CTNNA3: variants seen among roughly 807,000 people sequenced by gnomAD.
CTNNA3 encodes the protein catenin alpha 3.
In CTNNA3, 76 loss-of-function variants were observed where a neutral mutation model predicts 95.7. That is an observed-to-expected ratio of 0.79 (90% confidence interval 0.66 to 0.96). The LOEUF is 0.96. Ranked by LOEUF, CTNNA3 falls within the 40% of genes least tolerant of loss-of-function variation. CTNNA3 has a pLI of 0.00. For missense variants in CTNNA3, 1,191 were observed against 1,089.8 expected (o/e 1.09, Z -1.31); for synonymous variants, 431 against 374.4 (o/e 1.15, Z -1.74).
Position 66,084,154 on chromosome 10 carries a change from A to AG in CTNNA3, c.1978-14666_1978-14665insC, listed in dbSNP as rs1554842688. Among the ~76,000 whole-genome samples the AG allele has an allele frequency of 8.1e-3, 1,145 of 141,340 alleles. 20 individuals carry two copies. Among genetic ancestry groups the AG allele is most frequent in the African/African-American group, 0.025 (975 of 39,580 alleles). The allele number at this position is 141,340 out of a possible 152,430, so 92.7% of individuals were successfully genotyped here. A position where few individuals can be genotyped will look rare whatever the true frequency, so the allele number is the denominator to read the frequency against. On this transcript the variant is annotated intron_variant, in intron 14 of 17. Coordinates refer to ENST00000433211, the MANE Select transcript of CTNNA3 (RefSeq NM_013266.4). ...TCATCTCAAAAAAAAAAAAGAAAAA[A>AG]AAAGAAAAAGAAAAAAAGAAAAGGA... is the stretch of plus-strand genomic sequence containing the variant.
intron 5 of CTNNA3, among the ~76,000 whole-genome samples, chr10:67,468,542 C>T (rs1847692975): frequency 6.6e-6 from 1 of 152,108 alleles, no homozygotes; most frequent in African/African-American, 2.4e-5. Flanking sequence ...CTCCAGGGTA[C>T]AGAGATGTAG....
At chr10:67,614,019 A>G (rs1843561458) in intron 2 of CTNNA3, among the ~76,000 whole-genome samples, 1 of 152,216 alleles carries the variant, frequency 6.6e-6, no homozygotes, top group Admixed American at 6.5e-5. Flanking sequence ...TTTATTTTGA[A>G]GCGTGAAAGA....
intron 1 of CTNNA3, among the ~76,000 whole-genome samples, chr10:67,739,115 A>G (rs1423394551): frequency 4.6e-5 from 7 of 152,324 alleles, no homozygotes. Context: ...CTCCTGGAGA[A>G]GAGCAACTCC....
chr10:66,248,601 T>C (rs1420863361), intron 13 of CTNNA3, among the ~76,000 whole-genome samples: 5 of 152,108 alleles, frequency 3.3e-5, no homozygotes, highest in Non-Finnish European at 5.9e-5. Context: ...GCTATACTTA[T>C]ATGAGACAAA....
intron 5 of CTNNA3, among the ~76,000 whole-genome samples, chr10:67,395,829 C>T (rs897660352): frequency 6.6e-6 from 1 of 152,138 alleles, no homozygotes. Context: ...AATTATTTCC[C>T]TACTTTACAA....
At chr10:67,610,467 T>C (rs1805043006) in intron 2 of CTNNA3, among the ~76,000 whole-genome samples, 1 of 152,236 alleles carries the variant, frequency 6.6e-6, no homozygotes, top group African/African-American at 2.4e-5. Flanking sequence ...ATTCCTTTTA[T>C]TTCAGAAAGT....
chr10:66,447,660 A>C (rs558103084), intron 11 of CTNNA3, among the ~76,000 whole-genome samples: 103 of 152,210 alleles, frequency 6.8e-4, no homozygotes, highest in African/African-American at 9.4e-4. Context: ...CTTACACCTT[A>C]TACAAAAATT....
chr10:67,537,667 C>T (rs1840528276), intron 4 of CTNNA3, among the ~76,000 whole-genome samples: 1 of 152,044 alleles, frequency 6.6e-6, no homozygotes, highest in South Asian at 2.1e-4. Flanking sequence ...TTACAAAAGC[C>T]CTGCATTCTG....
intron 9 of CTNNA3, among the ~76,000 whole-genome samples, chr10:66,646,182 G>A (rs1845700952): frequency 6.6e-6 from 1 of 152,082 alleles, no homozygotes; most frequent in Non-Finnish European, 1.5e-5. Context: ...AGCAAAGGCA[G>A]ATAAAGTTCT....
chr10:66,402,550 T>C (rs1428070703), intron 11 of CTNNA3, among the ~76,000 whole-genome samples: 1 of 152,138 alleles, frequency 6.6e-6, no homozygotes, highest in East Asian at 1.9e-4. Context: ...AACAGAGACC[T>C]GAAATATTAT....
At chr10:67,371,856 G>C (rs1843478236) in intron 5 of CTNNA3, among the ~76,000 whole-genome samples, 2 of 152,200 alleles carry the variant, frequency 1.3e-5, no homozygotes, top group South Asian at 4.1e-4. Flanking sequence ...CAGTATAAAA[G>C]TGTTCCTATT....
At chr10:67,580,960 T>C (rs1398220809) in intron 3 of CTNNA3, among the ~76,000 whole-genome samples, 6 of 152,198 alleles carry the variant, frequency 3.9e-5, no homozygotes, top group Admixed American at 3.9e-4. Flanking sequence ...GATTTTGGGC[T>C]GAGACAATGG....
At chr10:67,418,397 T>A (rs886757646) in intron 5 of CTNNA3, among the ~76,000 whole-genome samples, 4 of 152,142 alleles carry the variant, frequency 2.6e-5, no homozygotes, top group Admixed American at 2.0e-4. Flanking sequence ...CATTCTGATG[T>A]TTATTGTGGC....
At chr10:66,333,796 G>T in intron 12 of CTNNA3, among the ~76,000 whole-genome samples, 1 of 151,384 alleles carries the variant, frequency 6.6e-6, no homozygotes, top group African/African-American at 2.4e-5. Context: ...TTAACTTTCT[G>T]TCTCGTTGAT....
At position 67,760,977 on chromosome 10, in the gene CTNNA3, A is replaced by T. The variant is rs561205151; in HGVS notation, c.-2+2457T>A. Among the ~76,000 whole-genome samples, 18 of 152,318 alleles carry T rather than the reference A, an allele frequency of 1.2e-4. No individual in the cohort carries two copies. The South Asian group carries it at 3.5e-3, about 30-fold the overall frequency. ...AGTGCACAATAAATGTAATGTGCTT[A>T]AATCATCCCAAAACCATCCCGTGGA... is the stretch of plus-strand genomic sequence containing the variant. On this transcript the variant is annotated intron_variant, in intron 1 of 17. Transcript: ENST00000684154.
At chr10:66,300,203 A>G (rs1009534800) in intron 12 of CTNNA3, among the ~76,000 whole-genome samples, 1 of 152,092 alleles carries the variant, frequency 6.6e-6, no homozygotes, top group Non-Finnish European at 1.5e-5. Flanking sequence ...ACAATGAGGA[A>G]AAATTTTTTA....
intron 1 of CTNNA3, among the ~76,000 whole-genome samples, chr10:67,703,577 C>G (rs1458658240): frequency 6.6e-6 from 1 of 152,114 alleles, no homozygotes; most frequent in Non-Finnish European, 1.5e-5. Flanking sequence ...ATTCAACAGC[C>G]CTTCATGCTA....
At chr10:66,985,974 C>T (rs969468918) in intron 7 of CTNNA3, among the ~76,000 whole-genome samples, 3 of 152,120 alleles carry the variant, frequency 2.0e-5, no homozygotes, top group Non-Finnish European at 2.9e-5. Context: ...GATCCTCTGG[C>T]CTTGGCCTCC....
At chr10:67,248,539 C>G (rs146974806) in intron 5 of CTNNA3, among the ~76,000 whole-genome samples, 2 of 152,060 alleles carry the variant, frequency 1.3e-5, no homozygotes, top group South Asian at 2.1e-4. Context: ...CCTCAGCCCC[C>G]CAAAGAGCTG....
Sources: allele counts gnomAD v4.1 joint callset (sites outside exome capture counted in the v4.1 genomes callset), GRCh38; gene constraint gnomAD v4.1.1; transcripts MANE v1.5; gene names NCBI Gene and HGNC (gene_info 2026-07-23, HGNC 2026-07-21).